Variants in PATJ observed in about 807,000 individuals in gnomAD.
The protein encoded by PATJ is inaD-like protein.
Under a neutral mutation model 224.9 loss-of-function variants are expected in PATJ, and 190 were observed. The observed-to-expected ratio is 0.84, with a 90% CI of 0.75 to 0.95. The LOEUF (loss-of-function observed/expected upper bound fraction) is 0.95, where lower values mean the gene tolerates loss of function less well. PATJ is among the 40% of genes least tolerant of loss of function. PATJ has a pLI of 0.00. For missense variants in PATJ, 2,121 were observed against 2,270.3 expected, an observed-to-expected ratio of 0.93 and a Z score of 1.34; for synonymous variants, 769 against 820.3, an observed-to-expected ratio of 0.94 and a Z score of 1.07.
chr1:62,088,188 G>C (rs574524982), intron 33 of PATJ, among the ~76,000 whole-genome samples: 12 of 152,144 alleles, frequency 7.9e-5, no homozygotes, highest in Non-Finnish European at 1.5e-4. Flanking sequence ...ACCACGCCCA[G>C]CCAATTCTTT....
In PATJ at chr1:62,116,545, G is replaced by A. The variant is rs1158452905; in HGVS notation, c.4669G>A (p.Val1557Met). 2 of 1,614,038 alleles carry A rather than the reference G, an allele frequency of 1.2e-6. No individual in the cohort carries two copies. Among genetic ancestry groups the A allele is most frequent in the East Asian group, 2.2e-5 (1 of 44,876 alleles). Residue 1557 changes from valine (V) to methionine (M), a missense_variant, in exon 36 of 44, where the codon GTG becomes ATG. Coordinates refer to ENST00000642238, the MANE Select transcript of PATJ (RefSeq NM_001350145.3). The stretch of plus-strand genomic sequence containing the variant: ...TGGTATTAACAGAAATGGAAGCGGA[G>A]TGTTTATTTCTGACATCGTGAAAGG... ...SIVGKRNGSG[V>M]FISDIVKGGA... is the part of the protein sequence containing the mutation.
chr1:61,787,329 G>C (rs375212522), intron 7 of PATJ, among the ~76,000 whole-genome samples: 8 of 152,058 alleles, frequency 5.3e-5, no homozygotes, highest in Non-Finnish European at 1.2e-4. Flanking sequence ...TCTTGTAGCC[G>C]CACTGGCATC....
intron 41 of PATJ, among the ~76,000 whole-genome samples, chr1:62,133,162 A>G (rs1666440704): frequency 1.4e-5 from 2 of 141,718 alleles, no homozygotes. Flanking sequence ...TATTTAGCTT[A>G]TTCTTTAGAA....
chr1:61,962,577 TTAG>T (rs1358092184), intron 27 of PATJ, among the ~76,000 whole-genome samples: 4 of 152,122 alleles, frequency 2.6e-5, no homozygotes, highest in African/African-American at 9.7e-5. Context: ...CTTCTTTTAG[TTAG>T]TAGAGGATTA....
chr1:62,068,817 T>C (rs1345754339), intron 31 of PATJ, among the ~76,000 whole-genome samples: 1 of 152,210 alleles, frequency 6.6e-6, no homozygotes. Flanking sequence ...GTGCTGAAGA[T>C]TATAGCATCA....
rs765092925 is a variant in PATJ, at chr1:61,864,468, C to T, written c.2670C>T (p.Pro890=). ...QDPSPSMELY[P]LSHIQEATPV... ...CCTCACCATCCATGGAGTTGTATCCCTTGTCGCACATTCAAGAGGCCACTC... is the reference window on the plus strand; with the variant it reads ...CCTCACCATCCATGGAGTTGTATCCTTTGTCGCACATTCAAGAGGCCACTC... The change falls in exon 20 of 44, where the codon CCC becomes CCT. Residue 890 remains proline (P), a synonymous_variant. Coordinates refer to ENST00000642238, the MANE Select transcript of PATJ (RefSeq NM_001350145.3). 6.2e-7 allele frequency: 1 copy of T among 1,613,984 alleles called. No homozygotes were observed. Among genetic ancestry groups the T allele is most frequent in the Non-Finnish European group, 8.5e-7 (1 of 1,179,856 alleles).
chr1:61,890,096 C>T (rs1285649518), intron 22 of PATJ, among the ~76,000 whole-genome samples: 1 of 152,190 alleles, frequency 6.6e-6, no homozygotes. Flanking sequence ...TATCTTTCTT[C>T]TGCTGTTTAT....
intron 28 of PATJ, among the ~76,000 whole-genome samples, chr1:61,993,801 A>G (rs1645200763): frequency 6.6e-6 from 1 of 152,202 alleles, no homozygotes; most frequent in African/African-American, 2.4e-5. Context: ...TTAACTGTTA[A>G]TGAAAACAGA....
rs1239043400 is a variant in PATJ, at chr1:62,162,993, G to A, written c.*1939G>A. 2 of 342,016 alleles carry A rather than the reference G, an allele frequency of 5.8e-6. No individual in the cohort carries two copies. Among genetic ancestry groups the A allele is most frequent in the Non-Finnish European group, 1.2e-5 (2 of 171,886 alleles). 21.2% of individuals were successfully genotyped at this position (342,016 alleles called of 1,614,324 possible). A position where few individuals can be genotyped will look rare whatever the true frequency, so the allele number is the denominator to read the frequency against. ...AGGATGAGTACTAGAGTCAGTAATA[G>A]AAGTAGTTCAGCATTATTTAACTAC... On this transcript the variant is annotated 3_prime_UTR_variant, in exon 44 of 44. Transcript: ENST00000642238.
chr1:61,804,578 T>G (rs1218937398), intron 12 of PATJ, among the ~76,000 whole-genome samples: 1 of 152,170 alleles, frequency 6.6e-6, no homozygotes, highest in Non-Finnish European at 1.5e-5. Context: ...AAGACAAAAT[T>G]GAGACAGTTT....
chr1:61,943,683 G>A (rs1414205004), intron 27 of PATJ, among the ~76,000 whole-genome samples: 1 of 152,232 alleles, frequency 6.6e-6, no homozygotes, highest in Non-Finnish European at 1.5e-5. Flanking sequence ...ACAAAAGGCA[G>A]CAGAAACTTC....
chr1:61,832,354 A>T (rs1390545799), intron 16 of PATJ, among the ~76,000 whole-genome samples: 1 of 152,216 alleles, frequency 6.6e-6, no homozygotes, highest in African/African-American at 2.4e-5. Flanking sequence ...ATACATAAAT[A>T]AATAAAATAA....
rs141101553 is a variant in PATJ, at chr1:61,771,553, T to C, written c.647T>C (p.Ile216Thr). 8 of 1,613,520 alleles carry C rather than the reference T, an allele frequency of 5.0e-6. No individual in the cohort carries two copies. The African/African-American group carries it at 5.3e-5, about 11-fold the overall frequency. The change falls in exon 6 of 44, where the codon ATT (isoleucine) becomes ACT (threonine). Residue 216 changes from isoleucine (I) to threonine (T), a missense_variant. Coordinates refer to ENST00000642238, the MANE Select transcript of PATJ (RefSeq NM_001350145.3). ...LQQTTGSLRL[I>T]VAREPVHTKS... ...CAAACCACTGGATCTTTGAGACTGA[T>C]TGTGGCCAGGGAACCAGTCCACACA...
chr1:62,051,195 A>G (rs1482242372), intron 31 of PATJ, 137 bp downstream of exon 31: 3 of 666,180 alleles, frequency 4.5e-6, no homozygotes, highest in Non-Finnish European at 7.8e-6. Flanking sequence ...AAGCTATTAT[A>G]TGTAGTGAGT....
At chr1:62,076,822 G>A (rs1218489784) in intron 31 of PATJ, among the ~76,000 whole-genome samples, 1 of 152,068 alleles carries the variant, frequency 6.6e-6, no homozygotes, top group Admixed American at 6.6e-5. Context: ...AGCTTTGTTG[G>A]GAATCCATGT....
At chr1:61,804,443 T>C (rs753643562) in intron 12 of PATJ, among the ~76,000 whole-genome samples, 2 of 152,244 alleles carry the variant, frequency 1.3e-5, no homozygotes, top group Non-Finnish European at 2.9e-5. Context: ...TGATTAAACA[T>C]TATATGCATC....
intron 22 of PATJ, among the ~76,000 whole-genome samples, chr1:61,890,164 G>A (rs1445704841): frequency 6.6e-6 from 1 of 152,138 alleles, no homozygotes; most frequent in Non-Finnish European, 1.5e-5. Context: ...CCGTAAAGTA[G>A]GTAGTTCTGT....
intron 27 of PATJ, among the ~76,000 whole-genome samples, chr1:61,934,776 C>A (rs1404151173): frequency 6.6e-6 from 1 of 152,080 alleles, no homozygotes; most frequent in Admixed American, 6.6e-5. Context: ...TTATACAAAC[C>A]TAGTATTTGG....
At chr1:61,837,080 A>G (rs191693601) in intron 17 of PATJ, among the ~76,000 whole-genome samples, 18 of 152,368 alleles carry the variant, frequency 1.2e-4, no homozygotes, top group African/African-American at 4.3e-4. Context: ...GAGCCTAACA[A>G]AATTACATTA....
Sources: gnomAD v4.1 joint callset for allele counts (sites outside exome capture counted in the v4.1 genomes callset) on GRCh38, gnomAD v4.1.1 for gene constraint, MANE v1.5 for transcripts, NCBI Gene and HGNC (gene_info 2026-07-23, HGNC 2026-07-21) for gene names.